NBEA: variants seen among roughly 807,000 people sequenced by gnomAD.
NBEA encodes lysosomal-trafficking regulator 2.
A neutral mutation model predicts 343.4 loss-of-function variants in NBEA; 44 were observed. That is an observed-to-expected ratio of 0.13 (90% confidence interval 0.10 to 0.16). The LOEUF (loss-of-function observed/expected upper bound fraction) is 0.16, where lower values mean the gene tolerates loss of function less well. Ranked by LOEUF, NBEA falls within the 10% of genes least tolerant of loss-of-function variation. NBEA has a pLI of 1.00. For missense variants in NBEA, 2,555 were observed against 3,631.3 expected (o/e 0.70, Z 7.62); for synonymous variants, 1,175 against 1,238.7 (o/e 0.95, Z 1.08).
rs763696495 is a variant in NBEA, at chr13:35,285,095, A to G, written c.5777-5294A>G. On this transcript the variant is annotated intron_variant, in intron 34 of 58. Coordinates refer to ENST00000379939, the MANE Select transcript of NBEA (RefSeq NM_001385012.1). ...CAACATTTGTTACTGAAATGAAAGT[A>G]TTTCAGTGCCATTCAGCTCTACTAA... Among the ~76,000 whole-genome samples the G allele has an allele frequency of 8.7e-4, 133 of 152,302 alleles. 1 individual carries two copies. The highest frequency in any genetic ancestry group is 1.2e-3 in the Non-Finnish European group (85 of 68,028).
intron 41 of NBEA, among the ~76,000 whole-genome samples, chr13:35,505,908 C>T (rs2077056649): frequency 6.6e-6 from 1 of 152,076 alleles, no homozygotes; most frequent in Non-Finnish European, 1.5e-5. Flanking sequence ...AAATATTTTG[C>T]ATATAAAAAC....
chr13:34,955,176 T>G (rs1430776488), intron 1 of NBEA, among the ~76,000 whole-genome samples: 1 of 152,136 alleles, frequency 6.6e-6, no homozygotes, highest in Non-Finnish European at 1.5e-5. Context: ...CTACTTTGCT[T>G]AAGCTCAGTT....
chr13:35,374,699 C>T (rs184460914), intron 38 of NBEA, among the ~76,000 whole-genome samples: 3 of 152,174 alleles, frequency 2.0e-5, no homozygotes, highest in Admixed American at 2.0e-4. Context: ...TCAACACTTA[C>T]TGTCTTATTT....
At chr13:34,996,153 C>T (rs1593405064) in intron 1 of NBEA, among the ~76,000 whole-genome samples, 1 of 152,146 alleles carries the variant, frequency 6.6e-6, no homozygotes, top group South Asian at 2.1e-4. Context: ...CTTGAATGTG[C>T]AAATTACAAC....
intron 41 of NBEA, among the ~76,000 whole-genome samples, chr13:35,494,073 T>C (rs2076590153): frequency 1.3e-5 from 2 of 151,918 alleles, no homozygotes; most frequent in Admixed American, 1.3e-4. Context: ...TTTATGTAAC[T>C]TTATAAAGGG....
At chr13:35,091,063 G>A (rs1286745314) in intron 10 of NBEA, among the ~76,000 whole-genome samples, 5 of 151,878 alleles carry the variant, frequency 3.3e-5, no homozygotes, top group Non-Finnish European at 5.9e-5. Flanking sequence ...TTTTCTTCAC[G>A]TTGTTCTGTT....
intron 46 of NBEA, among the ~76,000 whole-genome samples, chr13:35,592,592 G>A (rs1346763435): frequency 6.6e-6 from 1 of 152,080 alleles, no homozygotes; most frequent in Non-Finnish European, 1.5e-5. Flanking sequence ...AAATAAATGG[G>A]TAAGTTTATA....
chr13:35,222,757 G>A (rs1269554242), intron 33 of NBEA, among the ~76,000 whole-genome samples: 1 of 152,098 alleles, frequency 6.6e-6, no homozygotes, highest in Non-Finnish European at 1.5e-5. Context: ...AAAGATGCTT[G>A]TAACAGTTTA....
chr13:35,122,042 T>C (rs1309703959), intron 16 of NBEA, among the ~76,000 whole-genome samples: 2 of 152,046 alleles, frequency 1.3e-5, no homozygotes, highest in South Asian at 2.1e-4. Context: ...ATAGAAAAAA[T>C]GGAATAAAAT....
At chr13:35,622,252 A>G (rs1441461024) in intron 48 of NBEA, among the ~76,000 whole-genome samples, 1 of 152,178 alleles carries the variant, frequency 6.6e-6, no homozygotes, top group African/African-American at 2.4e-5. Flanking sequence ...CTAAGGATTT[A>G]TATCAGGAAG....
At chr13:34,962,826 C>G (rs779710689) in intron 1 of NBEA, among the ~76,000 whole-genome samples, 1 of 152,014 alleles carries the variant, frequency 6.6e-6, no homozygotes, top group Non-Finnish European at 1.5e-5. Flanking sequence ...TGAAGATTTA[C>G]TTGACTTATC....
intron 40 of NBEA, among the ~76,000 whole-genome samples, chr13:35,458,503 GACAAA>G (rs888543889): frequency 3.3e-5 from 5 of 152,160 alleles, no homozygotes; most frequent in African/African-American, 1.2e-4. Context: ...TATATCAAAA[GACAAA>G]ACAAAACTTA....
chr13:35,187,378 G>A (rs903924567), intron 30 of NBEA, among the ~76,000 whole-genome samples: 3 of 151,434 alleles, frequency 2.0e-5, no homozygotes, highest in African/African-American at 7.3e-5. Context: ...TAGTTTCTAG[G>A]CTTTCTCTCG....
Position 34,992,839 on chromosome 13 carries a change from A to ATTTT in NBEA, c.295-48081_295-48078dup, listed in dbSNP as rs11434153. On this transcript the variant is annotated intron_variant, in intron 1 of 58. Coordinates refer to ENST00000379939, the MANE Select transcript of NBEA (RefSeq NM_001385012.1). ...AGGCCCCCGCCACCACACCCGGCTA[A>ATTTT]TTTTTTTTTTTTTTTTGTATTTTTT... Among the ~76,000 whole-genome samples, 47 of 136,420 alleles carry ATTTT rather than the reference A, an allele frequency of 3.4e-4. No homozygotes were observed. In the East Asian group the frequency reaches 8.9e-3, roughly 26 times the overall value. 89.5% of individuals were successfully genotyped at this position (136,420 alleles called of 152,430 possible). A position where few individuals can be genotyped will look rare whatever the true frequency, so the allele number is the denominator to read the frequency against.
chr13:35,182,494 C>T lies in NBEA; in HGVS notation c.4797C>T (p.Asn1599=), dbSNP rs1566421847. Residue 1599 remains asparagine (N), a synonymous_variant, in exon 29 of 59, where the codon AAC becomes AAT. Coordinates refer to ENST00000379939, the MANE Select transcript of NBEA (RefSeq NM_001385012.1). ...GAACTGGAAGCCAACCAGGTAGAAA[C>T]ATCAGGCAAGAAATAAATTCACCAA... is the stretch of plus-strand genomic sequence containing the variant. ...TTRTGSQPGR[N]IRQEINSPTS... is the part of the protein sequence containing the mutation. The T allele has an allele frequency of 6.2e-7, 1 of 1,609,940 alleles. No homozygotes were observed. Among genetic ancestry groups the T allele is most frequent in the South Asian group, 1.1e-5 (1 of 90,948 alleles).
chr13:35,293,116 G>A (rs1441731463), intron 35 of NBEA, among the ~76,000 whole-genome samples: 1 of 151,684 alleles, frequency 6.6e-6, no homozygotes, highest in African/African-American at 2.4e-5. Flanking sequence ...ATTCCTAATA[G>A]TTTGTGCCCA....
chr13:35,215,546 G>A (rs9600337), intron 33 of NBEA, among the ~76,000 whole-genome samples: 6,661 of 151,640 alleles, frequency 0.044, 157 homozygotes, highest in African/African-American at 0.058. Flanking sequence ...GTGATTGCCT[G>A]TGTCAATTTT....
chr13:35,173,901 A>G (rs2070670396), intron 27 of NBEA, among the ~76,000 whole-genome samples: 1 of 152,214 alleles, frequency 6.6e-6, no homozygotes, highest in Non-Finnish European at 1.5e-5. Flanking sequence ...AATTTAATGT[A>G]TGAATAATTC....
At chr13:35,097,801 T>C (rs2065415671) in intron 10 of NBEA, among the ~76,000 whole-genome samples, 2 of 152,174 alleles carry the variant, frequency 1.3e-5, no homozygotes, top group South Asian at 4.1e-4. Flanking sequence ...CATATTTCTC[T>C]GGATTTTTTT....
Sources: gnomAD v4.1 joint callset for allele counts (sites outside exome capture counted in the v4.1 genomes callset) on GRCh38, gnomAD v4.1.1 for gene constraint, MANE v1.5 for transcripts, NCBI Gene and HGNC (gene_info 2026-07-23, HGNC 2026-07-21) for gene names.